Variants in CTNNA3 observed in about 807,000 individuals in gnomAD.
The protein encoded by CTNNA3 is catenin alpha 3.
Under a neutral mutation model 95.7 loss-of-function variants are expected in CTNNA3, and 76 were observed. The ratio of observed to expected loss-of-function variants is 0.79; its 90% CI spans 0.66 to 0.96. The LOEUF (loss-of-function observed/expected upper bound fraction) is 0.96. Ranked by LOEUF, CTNNA3 falls within the 40% of genes least tolerant of loss-of-function variation. CTNNA3 has a pLI of 0.00. For missense variants in CTNNA3, 1,191 were observed against 1,089.8 expected (o/e 1.09, Z -1.31); for synonymous variants, 431 against 374.4 (o/e 1.15, Z -1.74).
intron 10 of CTNNA3, among the ~76,000 whole-genome samples, chr10:66,528,752 A>G (rs1841357939): frequency 6.6e-6 from 1 of 152,148 alleles, no homozygotes; most frequent in Non-Finnish European, 1.5e-5. Flanking sequence ...TGTCCTAATT[A>G]TATGTGCTCT....
At chr10:66,366,634 G>T (rs1278044355) in intron 12 of CTNNA3, among the ~76,000 whole-genome samples, 1 of 152,100 alleles carries the variant, frequency 6.6e-6, no homozygotes, top group African/African-American at 2.4e-5. Flanking sequence ...CCTTGATCTT[G>T]AATTTCTCCA....
At chr10:66,872,190 T>C (rs1844435841) in intron 7 of CTNNA3, among the ~76,000 whole-genome samples, 1 of 152,194 alleles carries the variant, frequency 6.6e-6, no homozygotes, top group African/African-American at 2.4e-5. Flanking sequence ...TTATTTTTTG[T>C]TTTTGCTCTT....
chr10:67,411,799 A>G (rs1845376457), intron 5 of CTNNA3, among the ~76,000 whole-genome samples: 1 of 152,072 alleles, frequency 6.6e-6, no homozygotes, highest in African/African-American at 2.4e-5. Flanking sequence ...ACTAACATCA[A>G]ACTTAGAGCT....
chr10:66,911,731 G>A (rs151265884), intron 7 of CTNNA3, among the ~76,000 whole-genome samples: 365 of 152,230 alleles, frequency 2.4e-3, no homozygotes, highest in African/African-American at 8.3e-3. Context: ...AATTACGTGA[G>A]TCTCTTAAGC....
intron 13 of CTNNA3, among the ~76,000 whole-genome samples, chr10:66,195,715 A>G (rs1189188613): frequency 6.8e-6 from 1 of 147,716 alleles, no homozygotes; most frequent in Non-Finnish European, 1.5e-5. Context: ...TGCTTAAGGT[A>G]GAATGAGATT....
intron 7 of CTNNA3, among the ~76,000 whole-genome samples, chr10:67,046,185 A>T (rs574662882): frequency 1.3e-5 from 2 of 152,354 alleles, no homozygotes; most frequent in East Asian, 3.9e-4. Flanking sequence ...GTAGAATTAT[A>T]ACATAGTTAA....
At chr10:66,020,820 T>C (rs1355058179) in intron 15 of CTNNA3, among the ~76,000 whole-genome samples, 2 of 151,982 alleles carry the variant, frequency 1.3e-5, no homozygotes, top group African/African-American at 4.8e-5. Flanking sequence ...TACAGGCACC[T>C]GCCACCATAC....
chr10:66,062,176 CAGTA>C (rs1185701067), intron 15 of CTNNA3, among the ~76,000 whole-genome samples: 1 of 152,136 alleles, frequency 6.6e-6, no homozygotes. Flanking sequence ...ATACAGTACA[CAGTA>C]AGCACTCATC....
chr10:66,695,833 T>C (rs113340774), intron 9 of CTNNA3, among the ~76,000 whole-genome samples: 3 of 149,202 alleles, frequency 2.0e-5, no homozygotes, highest in African/African-American at 4.9e-5. Flanking sequence ...ACCCACTGCA[T>C]TGAAAATCCT....
chr10:67,430,608 T>C (rs958436198), intron 5 of CTNNA3, among the ~76,000 whole-genome samples: 5 of 152,012 alleles, frequency 3.3e-5, no homozygotes, highest in African/African-American at 9.6e-5. Context: ...CCCTCCTTCA[T>C]GTATACTCAG....
At chr10:66,441,012 C>A (rs1209270081) in intron 11 of CTNNA3, among the ~76,000 whole-genome samples, 1 of 151,918 alleles carries the variant, frequency 6.6e-6, no homozygotes, top group Non-Finnish European at 1.5e-5. Context: ...TCTCTGGCAC[C>A]AAGCCAGGCA....
At chr10:66,207,602 T>C (rs1307296653) in intron 13 of CTNNA3, among the ~76,000 whole-genome samples, 1 of 152,064 alleles carries the variant, frequency 6.6e-6, no homozygotes, top group African/African-American at 2.4e-5. Context: ...AATTTAAGTA[T>C]CTATCTTGCC....
At chr10:67,129,905 G>A (rs1013076603) in intron 7 of CTNNA3, among the ~76,000 whole-genome samples, 6 of 152,066 alleles carry the variant, frequency 3.9e-5, no homozygotes, top group African/African-American at 7.2e-5. Context: ...ATTCTTGCCT[G>A]GTATTTCTCA....
intron 5 of CTNNA3, among the ~76,000 whole-genome samples, chr10:67,514,721 T>G (rs748699278): frequency 8.6e-5 from 8 of 93,228 alleles, no homozygotes; most frequent in Non-Finnish European, 1.2e-4. Context: ...GTTTTTGTTG[T>G]TTTTTTTTTT....
At chr10:66,200,406 C>T (rs1393029637) in intron 13 of CTNNA3, among the ~76,000 whole-genome samples, 1 of 152,132 alleles carries the variant, frequency 6.6e-6, no homozygotes, top group Non-Finnish European at 1.5e-5. Context: ...AGTAAAATAA[C>T]CTGTAGTGAT....
At chr10:66,069,279 A>G (rs769798540) in intron 15 of CTNNA3, 29 bp downstream of exon 15, 1 of 1,600,166 alleles carries the variant, frequency 6.2e-7, no homozygotes, top group Non-Finnish European at 8.6e-7. Flanking sequence ...GCCATTATGA[A>G]TATTACACAT....
intron 7 of CTNNA3, among the ~76,000 whole-genome samples, chr10:66,877,265 A>C (rs1844662412): frequency 6.6e-6 from 1 of 152,190 alleles, no homozygotes; most frequent in Non-Finnish European, 1.5e-5. Context: ...CCAAGCCCCA[A>C]AACGTAATGC....
intron 7 of CTNNA3, among the ~76,000 whole-genome samples, chr10:67,146,290 C>T (rs538878206): frequency 1.1e-4 from 16 of 152,260 alleles, no homozygotes; most frequent in African/African-American, 3.9e-4. Flanking sequence ...AGTTTGATAA[C>T]CTATAGATAC....
In CTNNA3 at chr10:67,250,490, C is replaced by T. The variant is rs573271961; in HGVS notation, c.580-30620G>A. Among the ~76,000 whole-genome samples the T allele has an allele frequency of 6.6e-5, 10 of 151,902 alleles. No homozygotes were observed. The South Asian group carries it at 2.1e-3, about 32-fold the overall frequency. The stretch of plus-strand genomic sequence containing the variant: ...TCGGCCTCCCAAAGTGCTGGGATTA[C>T]AGGCATGAGCCACCGCGCCCGGCCA... On this transcript the variant is annotated intron_variant, in intron 5 of 17. Transcript: ENST00000433211.
Sources: gnomAD v4.1 joint callset for allele counts (sites outside exome capture counted in the v4.1 genomes callset) on GRCh38, gnomAD v4.1.1 for gene constraint, MANE v1.5 for transcripts, NCBI Gene and HGNC (gene_info 2026-07-23, HGNC 2026-07-21) for gene names.